The following MECOM variants were observed in gnomAD, a reference collection of about 807,000 sequenced individuals.
MECOM encodes the protein histone-lysine N-methyltransferase MECOM.
MECOM carries 13 observed loss-of-function variants against 116.3 expected under a neutral mutation model. The ratio of observed to expected loss-of-function variants is 0.11; its 90% CI spans 0.07 to 0.18. MECOM has a LOEUF of 0.18. MECOM is among the 10% of genes least tolerant of loss of function. The probability of loss-of-function intolerance (pLI) is 1.00; values close to 1 mark genes in which losing one functional copy is unlikely to be tolerated. For synonymous variants in MECOM, 528 were observed against 535.2 expected, an observed-to-expected ratio of 0.99 and a Z score of 0.19; for missense variants, 1,299 against 1,509.0, an observed-to-expected ratio of 0.86 and a Z score of 2.31.
At chr3:169,468,986 T>A (rs201664001) in intron 1 of MECOM, among the ~76,000 whole-genome samples, 1 of 152,314 alleles carries the variant, frequency 6.6e-6, no homozygotes, top group East Asian at 1.9e-4. Flanking sequence ...GTGATGGGTG[T>A]TAGAATATCC....
intron 3 of MECOM, among the ~76,000 whole-genome samples, chr3:169,138,646 C>CT: frequency 6.6e-6 from 1 of 152,194 alleles, no homozygotes; most frequent in East Asian, 1.9e-4. Flanking sequence ...CCAATAATAA[C>CT]TTTAACATCA....
chr3:169,425,888 G>C (rs1210007425), intron 1 of MECOM, among the ~76,000 whole-genome samples: 3 of 152,064 alleles, frequency 2.0e-5, no homozygotes, highest in Non-Finnish European at 2.9e-5. Flanking sequence ...AAAAAGTAAA[G>C]CAATTTTTCA....
chr3:169,252,524 T>C (rs967816971), intron 2 of MECOM, among the ~76,000 whole-genome samples: 3 of 150,654 alleles, frequency 2.0e-5, no homozygotes, highest in African/African-American at 7.3e-5. Context: ...CAAATATTTA[T>C]AAAAATAATT....
At chr3:169,206,136 T>C (rs1340052993) in intron 2 of MECOM, among the ~76,000 whole-genome samples, 7 of 152,144 alleles carry the variant, frequency 4.6e-5, no homozygotes, top group Non-Finnish European at 1.0e-4. Flanking sequence ...AGAGAATATC[T>C]TGTCCAGGAA....
rs145463934 is a variant in MECOM at position 169,512,793 on chromosome 3, C to T, written c.38-131269G>A. 5.8e-3 allele frequency among the ~76,000 whole-genome samples: 888 copies of T among 151,830 alleles called. 6 individuals carry two copies. The highest frequency in any genetic ancestry group is 0.02 in the African/African-American group (835 of 41,342). ...CTGCAGGGCCATCTCCACAGCATCCCAGCTCCCCCTTCCCACTTCTTCCTG... is the reference window on the plus strand; with the variant it reads ...CTGCAGGGCCATCTCCACAGCATCCTAGCTCCCCCTTCCCACTTCTTCCTG... On this transcript the variant is annotated intron_variant, in intron 1 of 16. Transcript: ENST00000651503.
At chr3:169,592,112 C>T (rs1766494291) in intron 1 of MECOM, among the ~76,000 whole-genome samples, 1 of 152,180 alleles carries the variant, frequency 6.6e-6, no homozygotes, top group Admixed American at 6.5e-5. Flanking sequence ...TCTCGCTCTT[C>T]ATCCCTCACA....
At chr3:169,627,583 C>G (rs1215621016) in intron 1 of MECOM, among the ~76,000 whole-genome samples, 1 of 152,150 alleles carries the variant, frequency 6.6e-6, no homozygotes, top group Non-Finnish European at 1.5e-5. Flanking sequence ...GGAAAAAAAT[C>G]AGCATTGCAA....
intron 16 of MECOM, among the ~76,000 whole-genome samples, chr3:169,087,123 G>A (rs1011229465): frequency 3.9e-5 from 6 of 152,140 alleles, no homozygotes; most frequent in Admixed American, 6.6e-5. Flanking sequence ...GTCCAGCTGG[G>A]TTGGGACTTT....
At chr3:169,344,383 T>A (rs553992349) in intron 2 of MECOM, among the ~76,000 whole-genome samples, 12 of 152,252 alleles carry the variant, frequency 7.9e-5, no homozygotes, top group African/African-American at 2.4e-4. Context: ...CTACATCAAC[T>A]ACAGTGTGTT....
intron 1 of MECOM, among the ~76,000 whole-genome samples, chr3:169,600,610 A>G (rs1035067929): frequency 7.9e-5 from 12 of 152,264 alleles, no homozygotes; most frequent in Non-Finnish European, 1.8e-4. Context: ...ACTCAGGCCC[A>G]CTCCAGGAAA....
chr3:169,576,970 G>A, intron 1 of MECOM, among the ~76,000 whole-genome samples: 1 of 152,136 alleles, frequency 6.6e-6, no homozygotes, highest in Non-Finnish European at 1.5e-5. Context: ...ATAGATATAT[G>A]CTAGGGGTCT....
rs149281953 is a variant in MECOM, at chr3:169,595,617, C to T, written c.37+67719G>A. On this transcript the variant is annotated intron_variant, in intron 1 of 16. Transcript: ENST00000651503. ...TACAATTTAATGCTCACAAACACAA[C>T]TAAAGTATTTAAACATTTACAGGGG... Among the ~76,000 whole-genome samples, 19 of 152,284 alleles carry T rather than the reference C, an allele frequency of 1.2e-4. No individual in the cohort carries two copies. In the East Asian group the frequency reaches 3.7e-3, roughly 29 times the overall value.
chr3:169,164,938 C>T (rs1461410084), intron 2 of MECOM, among the ~76,000 whole-genome samples: 2 of 152,176 alleles, frequency 1.3e-5, no homozygotes, highest in Admixed American at 6.5e-5. Flanking sequence ...ACACTGACCT[C>T]ATGTCATATT....
At chr3:169,394,192 A>G (rs1174548602) in intron 1 of MECOM, among the ~76,000 whole-genome samples, 2 of 152,220 alleles carry the variant, frequency 1.3e-5, no homozygotes, top group South Asian at 2.1e-4. Flanking sequence ...ATGATCCAAC[A>G]TATGCCACAA....
intron 16 of MECOM, 130 bp from the exon 17 acceptor site, chr3:169,085,173 A>C: frequency 8.5e-7 from 1 of 1,177,878 alleles, no homozygotes; most frequent in South Asian, 1.5e-5. Flanking sequence ...TGTGTTTGGC[A>C]AAGAAGGCAT....
intron 1 of MECOM, among the ~76,000 whole-genome samples, chr3:169,482,581 G>A (rs1219577311): frequency 1.3e-5 from 2 of 151,958 alleles, no homozygotes; most frequent in African/African-American, 2.4e-5. Flanking sequence ...TGATCCGCCC[G>A]CCTCGGCCTC....
At chr3:169,188,067 C>T (rs996086251) in intron 2 of MECOM, among the ~76,000 whole-genome samples, 1 of 151,996 alleles carries the variant, frequency 6.6e-6, no homozygotes, top group Non-Finnish European at 1.5e-5. Flanking sequence ...ATGAAGGGAT[C>T]TACTTAGATT....
chr3:169,136,739 T>C (rs1177238862), intron 3 of MECOM, among the ~76,000 whole-genome samples: 2 of 152,132 alleles, frequency 1.3e-5, no homozygotes, highest in Non-Finnish European at 1.5e-5. Flanking sequence ...TGAAGTATTA[T>C]GTTTGTATTG....
chr3:169,611,834 A>T lies in MECOM; in HGVS notation c.37+51502T>A, dbSNP rs1222045661. On this transcript the variant is annotated intron_variant, in intron 1 of 16. Coordinates refer to ENST00000651503, the MANE Select transcript of MECOM (RefSeq NM_004991.4). The surrounding 1 kb of genome is among the most constrained non-coding windows in gnomAD (Gnocchi z 4.1). ...AATTATGTCCAGAAATCAGTAAAGA[A>T]CATCAATCTTGGTTGGGATAAATTT... Among the ~76,000 whole-genome samples the T allele has an allele frequency of 6.6e-6, 1 of 152,208 alleles. No individual in the cohort carries two copies. The highest frequency in any genetic ancestry group is 2.4e-5 in the African/African-American group (1 of 41,444).
Sources: gnomAD v4.1 joint callset for allele counts (sites outside exome capture counted in the v4.1 genomes callset) on GRCh38, gnomAD v4.1.1 for gene constraint, Gnocchi (gnomAD v3.1) non-coding constraint, MANE v1.5 for transcripts, NCBI Gene and HGNC (gene_info 2026-07-23, HGNC 2026-07-21) for gene names.